THSD4: variants seen among roughly 807,000 people sequenced by gnomAD.
THSD4 encodes thrombospondin type-1 domain-containing protein 4.
THSD4 carries 69 observed loss-of-function variants against 119.0 expected under a neutral mutation model. The ratio of observed to expected loss-of-function variants is 0.58; its 90% CI spans 0.48 to 0.71. The LOEUF (loss-of-function observed/expected upper bound fraction) is 0.71. Ranked by LOEUF, THSD4 falls within the 30% of genes least tolerant of loss-of-function variation. THSD4 has a pLI of 0.00. For synonymous variants in THSD4, 524 were observed against 540.4 expected, an observed-to-expected ratio of 0.97 and a Z score of 0.42; for missense variants, 1,393 against 1,391.1, an observed-to-expected ratio of 1.00 and a Z score of -0.02.
At chr15:71,544,797 T>C (rs1030622688) in intron 7 of THSD4, among the ~76,000 whole-genome samples, 1 of 152,252 alleles carries the variant, frequency 6.6e-6, no homozygotes, top group Non-Finnish European at 1.5e-5. Context: ...AAATGTGGTA[T>C]ATCCATACAA....
intron 6 of THSD4, chr15:71,341,801 TC>T (rs745325233): frequency 2.0e-5 from 15 of 759,528 alleles, no homozygotes; most frequent in Non-Finnish European, 3.4e-5. Flanking sequence ...CCTCTTTTCT[TC>T]CTTCCTTCCT....
chr15:71,780,560 A>AAGCCAGCC lies in THSD4; in HGVS notation c.*3188_*3195dup, dbSNP rs1391301180. The AAGCCAGCC allele has an allele frequency of 2.8e-6, 1 of 352,902 alleles. No individual in the cohort carries two copies. Among genetic ancestry groups the AAGCCAGCC allele is most frequent in the Non-Finnish European group, 5.7e-6 (1 of 175,122 alleles). 21.9% of individuals were successfully genotyped at this position (352,902 alleles called of 1,614,324 possible). ...CCAAAAGAAAAAAAAAAGCCATTTA[A>AAGCCAGCC]AGCCAGCCACTAGAGGGAGTCAGTT... On this transcript the variant is annotated 3_prime_UTR_variant, in exon 18 of 18. Coordinates refer to ENST00000261862, the MANE Select transcript of THSD4 (RefSeq NM_024817.3).
chr15:71,192,834 G>A (rs1209701641), intron 3 of THSD4, among the ~76,000 whole-genome samples: 5 of 152,070 alleles, frequency 3.3e-5, no homozygotes, highest in Admixed American at 6.5e-5. Flanking sequence ...CCCTACCCTC[G>A]GGGAGCTGTT....
chr15:71,126,500 A>C (rs1421364191), intron 1 of THSD4, among the ~76,000 whole-genome samples: 1 of 152,230 alleles, frequency 6.6e-6, no homozygotes, highest in Non-Finnish European at 1.5e-5. Flanking sequence ...GAAAGTTTAA[A>C]TAAGATCTAG....
chr15:71,593,679 A>G (rs2049851541), intron 7 of THSD4, among the ~76,000 whole-genome samples: 1 of 152,070 alleles, frequency 6.6e-6, no homozygotes, highest in Non-Finnish European at 1.5e-5. Flanking sequence ...GTGGATTACA[A>G]GAGCCCAGGA....
intron 7 of THSD4, among the ~76,000 whole-genome samples, chr15:71,545,566 G>A (rs28470566): frequency 0.065 from 9,839 of 152,154 alleles, 1,028 homozygotes; most frequent in African/African-American, 0.22. Context: ...CCCAACCCCT[G>A]GCTAGACAAC....
chr15:71,550,225 T>C (rs2048905675), intron 7 of THSD4, among the ~76,000 whole-genome samples: 1 of 152,210 alleles, frequency 6.6e-6, no homozygotes, highest in Admixed American at 6.5e-5. Flanking sequence ...AACGTGCAGC[T>C]TCTTTGCAGG....
chr15:71,212,313 G>A (rs970722901), intron 3 of THSD4, among the ~76,000 whole-genome samples: 2 of 152,124 alleles, frequency 1.3e-5, no homozygotes, highest in East Asian at 1.9e-4. Context: ...ACCATAATTC[G>A]ACTATAAATT....
intron 7 of THSD4, among the ~76,000 whole-genome samples, chr15:71,556,325 T>C (rs2140871452): frequency 6.6e-6 from 1 of 152,302 alleles, no homozygotes; most frequent in African/African-American, 2.4e-5. Context: ...TAATAAAGTT[T>C]TACAATTTTC....
chr15:71,667,950 A>G (rs1317998694), intron 8 of THSD4, among the ~76,000 whole-genome samples: 2 of 152,218 alleles, frequency 1.3e-5, no homozygotes, highest in African/African-American at 4.8e-5. Flanking sequence ...AATTGATATT[A>G]CTATACATAC....
chr15:71,411,545 A>G lies in THSD4; in HGVS notation c.1016-142A>G, dbSNP rs79473893. 1.1e-3 allele frequency: 941 copies of G among 824,604 alleles called. 21 individuals are homozygous for G. The East Asian group carries it at 0.025, about 22-fold the overall frequency. The allele number at this position is 824,604 out of a possible 1,614,324, so 51.1% of individuals were successfully genotyped here. A position where few individuals can be genotyped will look rare whatever the true frequency, so the allele number is the denominator to read the frequency against. On this transcript the variant is annotated intron_variant, in intron 6 of 17. Transcript: ENST00000261862. Reference sequence around the variant, plus strand: ...AATATACGAAGACTTATTGAACTGTATAGTTGGTTAAAATGCTTAATTTTG... The same window carrying G: ...AATATACGAAGACTTATTGAACTGTGTAGTTGGTTAAAATGCTTAATTTTG...
At chr15:71,634,958 C>CTGCCATTGTT (rs1267300048) in intron 7 of THSD4, among the ~76,000 whole-genome samples, 1 of 152,204 alleles carries the variant, frequency 6.6e-6, no homozygotes, top group African/African-American at 2.4e-5. Context: ...CTGTGGTTTG[C>CTGCCATTGTT]TGCCATTGTT....
chr15:71,379,240 G>C lies in THSD4; in HGVS notation c.1016-32447G>C, dbSNP rs568638139. The stretch of plus-strand genomic sequence containing the variant: ...GTACATCTTAGCTGTTGGTTACAGA[G>C]AACAAGGAAAGGTCATCCTACCCAT... On this transcript the variant is annotated intron_variant, in intron 6 of 17. Coordinates refer to ENST00000261862, the MANE Select transcript of THSD4 (RefSeq NM_024817.3). Among the ~76,000 whole-genome samples the C allele has an allele frequency of 2.0e-5, 3 of 151,034 alleles. No homozygotes were observed. The East Asian group carries it at 5.8e-4, about 29-fold the overall frequency.
rs4777444 is a variant in THSD4, at chr15:71,720,217, A to T, written c.1358-8332A>T. On this transcript the variant is annotated intron_variant, in intron 8 of 17. Transcript: ENST00000261862. ...AAGTGTATACCACCACTCCTGGCTA[A>T]TTTTTTTACTTTAGATAGAGACAAG... Among the ~76,000 whole-genome samples the T allele has an allele frequency of 7.9e-3, 1,177 of 149,536 alleles. 24 individuals are homozygous for T. Among genetic ancestry groups the T allele is most frequent in the Admixed American group, 0.041 (611 of 15,050 alleles).
rs2040603578 is a variant in THSD4, at chr15:71,141,500, C to T, written c.-28C>T. ...AAAATTGGCAACGTCTCTGAAGAGCCCTTGCTTTTGCCTGGACCCCCAGCA... is the reference window on the plus strand; with the variant it reads ...AAAATTGGCAACGTCTCTGAAGAGCTCTTGCTTTTGCCTGGACCCCCAGCA... On this transcript the variant is annotated 5_prime_UTR_variant, in exon 2 of 18. Coordinates refer to ENST00000261862, the MANE Select transcript of THSD4 (RefSeq NM_024817.3). 1.2e-6 allele frequency: 2 copies of T among 1,603,770 alleles called. No individual in the cohort carries two copies. The highest frequency in any genetic ancestry group is 1.3e-5 in the African/African-American group (1 of 74,620).
intron 1 of THSD4, among the ~76,000 whole-genome samples, chr15:71,118,454 G>T (rs1199679268): frequency 1.3e-5 from 2 of 151,920 alleles, no homozygotes; most frequent in Non-Finnish European, 1.5e-5. Flanking sequence ...TGCATTCTTT[G>T]TGCCTGCTCT....
chr15:71,282,338 G>A (rs557984129), intron 6 of THSD4, among the ~76,000 whole-genome samples: 1 of 152,138 alleles, frequency 6.6e-6, no homozygotes, highest in East Asian at 1.9e-4. Flanking sequence ...TGTTCTCAGA[G>A]TTCACTGATT....
chr15:71,443,526 G>A (rs960000251), intron 7 of THSD4, among the ~76,000 whole-genome samples: 1 of 152,082 alleles, frequency 6.6e-6, no homozygotes, highest in Non-Finnish European at 1.5e-5. Flanking sequence ...GGAGAACATC[G>A]AATTTTGCAA....
chr15:71,311,775 C>T (rs989655476), intron 6 of THSD4, among the ~76,000 whole-genome samples: 4 of 152,152 alleles, frequency 2.6e-5, no homozygotes, highest in African/African-American at 9.7e-5. Flanking sequence ...TCCTGAAGAG[C>T]GGCCTTTCTC....
Sources: allele counts gnomAD v4.1 joint callset (sites outside exome capture counted in the v4.1 genomes callset), GRCh38; gene constraint gnomAD v4.1.1; transcripts MANE v1.5; gene names NCBI Gene and HGNC (gene_info 2026-07-23, HGNC 2026-07-21).